IPO13: variants seen among roughly 807,000 people sequenced by gnomAD.
IPO13 encodes the protein importin 13.
In IPO13, 28 loss-of-function variants were observed where a neutral mutation model predicts 115.5. The ratio of observed to expected loss-of-function variants is 0.24; its 90% CI spans 0.18 to 0.33. IPO13 has a LOEUF of 0.33. IPO13 is among the 10% of genes least tolerant of loss of function. The pLI is 1.00. For synonymous variants in IPO13, 414 were observed against 478.9 expected, an observed-to-expected ratio of 0.86 and a Z score of 1.77; for missense variants, 785 against 1,204.6, an observed-to-expected ratio of 0.65 and a Z score of 5.16.
Position 43,967,809 on chromosome 1 carries a change from C to T in IPO13, c.*127C>T, listed in dbSNP as rs1286644030. The T allele has an allele frequency of 6.7e-6, 6 of 897,268 alleles. No individual in the cohort carries two copies. Among genetic ancestry groups the T allele is most frequent in the Non-Finnish European group, 1.1e-5 (6 of 565,468 alleles). 55.6% of individuals were successfully genotyped at this position (897,268 alleles called of 1,614,324 possible). On this transcript the variant is annotated 3_prime_UTR_variant, in exon 20 of 20. Transcript: ENST00000372343. The surrounding 1 kb of genome is among the most constrained non-coding windows in gnomAD (Gnocchi z 6.1). ...CACCACCTAACTGAAAGCCTGGGTCCAGAAGGCCTGGGGGAAGGATGGGAG... is the reference window on the plus strand; with the variant it reads ...CACCACCTAACTGAAAGCCTGGGTCTAGAAGGCCTGGGGGAAGGATGGGAG...
intron 1 of IPO13, 79 bp from the exon 2 acceptor site, chr1:43,949,338 G>A: frequency 6.8e-7 from 1 of 1,461,966 alleles, no homozygotes; most frequent in South Asian, 1.4e-5. Context: ...AGCCTTGCAG[G>A]ACCAAGTCAC....
At position 43,956,329 on chromosome 1, in the gene IPO13, C is replaced by G. The variant is rs780002081; in HGVS notation, c.831C>G (p.Asn277Lys). The G allele has an allele frequency of 1.2e-6, 2 of 1,614,030 alleles. No homozygotes were observed. The highest frequency in any genetic ancestry group is 1.7e-6 in the Non-Finnish European group (2 of 1,180,024). The change falls in exon 3 of 20, where the codon AAC becomes AAG. Residue 277 changes from asparagine (N) to lysine (K), a missense_variant. This residue lies in a region of IPO13 where 325 missense variants were observed against 449.8 expected (regional missense o/e 0.72). Coordinates refer to ENST00000372343, the MANE Select transcript of IPO13 (RefSeq NM_014652.4). This position sits in a 1 kb window ranked among gnomAD's most constrained non-coding sequence, Gnocchi z 4.7. ...CACCTCATGCCTCTAGGTACGTGAA[C>G]ACACTCCTGAAACTCATCCCGCTGG... Reference protein sequence around the residue: ...ISQPDAQRYVNTLLKLIPLVL... With the variant: ...ISQPDAQRYVKTLLKLIPLVL...
chr1:43,961,342 AC>A, intron 14 of IPO13, 80 bp downstream of exon 14: 2 of 1,144,738 alleles, frequency 1.7e-6, no homozygotes, highest in Non-Finnish European at 2.7e-6. Context: ...AAAGCTGCCC[AC>A]TCTGTTCTTC....
intron 2 of IPO13, chr1:43,953,233 G>A (rs1189140062): frequency 3.3e-5 from 5 of 152,208 alleles, no homozygotes; most frequent in African/African-American, 1.2e-4. Flanking sequence ...TCTAATTGCA[G>A]GTCTGGGCTG....
In IPO13 at chr1:43,966,966, G is replaced by A. The variant is rs1174253253; in HGVS notation, c.2560G>A (p.Val854Met). Residue 854 changes from valine (V) to methionine (M), a missense_variant, in exon 18 of 20, where the codon GTG becomes ATG. By Grantham distance (21) the Val-to-Met change is conservative (BLOSUM62 1). Transcript: ENST00000372343. The surrounding 1 kb of genome is among the most constrained non-coding windows in gnomAD (Gnocchi z 4.1). ...GCCTCGGTGTGGGGAAGTAGAGTCT[G>A]TGGGAAAGGTGGTACAGGAAGACGG... ...LLPRCGEVES[V>M]GKVVQEDGRM... 1 of 1,613,784 alleles carries A rather than the reference G, an allele frequency of 6.2e-7. No homozygotes were observed. The highest frequency in any genetic ancestry group is 8.5e-7 in the Non-Finnish European group (1 of 1,180,024).
At position 43,967,093 on chromosome 1, in the gene IPO13, C is replaced by T. The variant is rs2085331203; in HGVS notation, c.2613+74C>T. ...CTGAGGCAGCTGGCCTTCTGGGAGG[C>T]TTGAGCCTTTGGTCCCCTAAGCTCT... On this transcript the variant is annotated intron_variant, in intron 18 of 19. Coordinates refer to ENST00000372343, the MANE Select transcript of IPO13 (RefSeq NM_014652.4). The surrounding 1 kb of genome is among the most constrained non-coding windows in gnomAD (Gnocchi z 6.1). 1 of 1,417,100 alleles carries T rather than the reference C, an allele frequency of 7.1e-7. No individual in the cohort carries two copies. The allele number at this position is 1,417,100 out of a possible 1,614,324, so 87.8% of individuals were successfully genotyped here.
At chr1:43,955,587 A>G (rs943785970) in intron 2 of IPO13, among the ~76,000 whole-genome samples, 1 of 151,914 alleles carries the variant, frequency 6.6e-6, no homozygotes, top group African/African-American at 2.4e-5. Flanking sequence ...CTCTACTTTC[A>G]TCCTCACGTG....
intron 11 of IPO13, among the ~76,000 whole-genome samples, chr1:43,959,216 C>T (rs139963336): frequency 2.6e-5 from 4 of 152,294 alleles, no homozygotes; most frequent in African/African-American, 7.2e-5. Context: ...TTTTATGGGC[C>T]CCTGTTCAAC....
chr1:43,959,776 C>T (rs2085277319), intron 11 of IPO13, among the ~76,000 whole-genome samples: 1 of 152,156 alleles, frequency 6.6e-6, no homozygotes, highest in African/African-American at 2.4e-5. Context: ...TGCCTTTCCT[C>T]ACCTCCCAGG....
chr1:43,959,011 C>T (rs553736954), intron 11 of IPO13, 122 bp downstream of exon 11: 283 of 958,720 alleles, frequency 3.0e-4, no homozygotes, highest in East Asian at 4.9e-4. Flanking sequence ...CTCCCTGCCC[C>T]GTGGGCGTGA....
At chr1:43,951,744 C>T (rs2085210630) in intron 2 of IPO13, among the ~76,000 whole-genome samples, 1 of 152,090 alleles carries the variant, frequency 6.6e-6, no homozygotes, top group Non-Finnish European at 1.5e-5. Context: ...GGCTTTGGGA[C>T]CTTTGGCAGA....
Position 43,966,309 on chromosome 1 carries a change from T to G in IPO13, c.2398-266T>G, listed in dbSNP as rs887707598. The G allele has an allele frequency of 2.8e-5, 16 of 564,402 alleles. No individual in the cohort carries two copies. The highest frequency in any genetic ancestry group is 4.8e-5 in the Non-Finnish European group (15 of 314,160). The allele number at this position is 564,402 out of a possible 1,614,324, so 35.0% of individuals were successfully genotyped here. A position where few individuals can be genotyped will look rare whatever the true frequency, so the allele number is the denominator to read the frequency against. On this transcript the variant is annotated intron_variant, in intron 15 of 19. Coordinates refer to ENST00000372343, the MANE Select transcript of IPO13 (RefSeq NM_014652.4). This position sits in a 1 kb window ranked among gnomAD's most constrained non-coding sequence, Gnocchi z 4.1. ...AGGGAAAGGTGTCTGGAACCCAAACTTTCTGCATTATGATCCCCACCCCCA... is the reference window on the plus strand; with the variant it reads ...AGGGAAAGGTGTCTGGAACCCAAACGTTCTGCATTATGATCCCCACCCCCA...
At chr1:43,947,722 C>A in intron 1 of IPO13, 38 bp downstream of exon 1, 1 of 1,170,708 alleles carries the variant, frequency 8.5e-7, no homozygotes, top group Non-Finnish European at 1.1e-6. Context: ...AGTGACAGAG[C>A]AGAAGTTCTG....
rs199984845 is a variant in IPO13, at chr1:43,957,965, T to G, written c.1541-12T>G. 1 of 1,613,522 alleles carries G rather than the reference T, an allele frequency of 6.2e-7. No individual in the cohort carries two copies. Among genetic ancestry groups the G allele is most frequent in the East Asian group, 2.2e-5 (1 of 44,874 alleles). ...TGCCTCAAAGATCCTCCTGTCTCCC[T>G]CCTTCCTCCAGGAGCTCTGTCTGAA... is the stretch of plus-strand genomic sequence containing the variant. On this transcript the variant is annotated splice_polypyrimidine_tract_variant and intron_variant, in intron 7 of 19. Coordinates refer to ENST00000372343, the MANE Select transcript of IPO13 (RefSeq NM_014652.4).
At chr1:43,951,555 G>A (rs2085208896) in intron 2 of IPO13, among the ~76,000 whole-genome samples, 1 of 152,198 alleles carries the variant, frequency 6.6e-6, no homozygotes, top group African/African-American at 2.4e-5. Flanking sequence ...AGGTATAGGA[G>A]ACCTGGGCCC....
chr1:43,964,593 A>G (rs1215419084), intron 15 of IPO13, among the ~76,000 whole-genome samples: 1 of 152,106 alleles, frequency 6.6e-6, no homozygotes, highest in African/African-American at 2.4e-5. Flanking sequence ...GGGAATGGGA[A>G]AGGGAGGGGG....
Position 43,961,212 on chromosome 1 carries a change from A to G in IPO13, c.2294A>G (p.Glu765Gly). 6.2e-7 allele frequency: 1 copy of G among 1,613,980 alleles called. No homozygotes were observed. Among genetic ancestry groups the G allele is most frequent in the Non-Finnish European group, 8.5e-7 (1 of 1,179,984 alleles). ...GAGCCTGCCCACTTTCCCCCAATTG[A>G]GGCCCTCTTCCTGCTCGTCACCTCC... ...AHEPAHFPPI[E>G]ALFLLVTSVT... The change falls in exon 14 of 20, where the codon GAG becomes GGG. Residue 765 changes from glutamate (E) to glycine (G), a missense_variant. Physicochemically the swap from Glu to Gly is moderately conservative, Grantham distance 98. Around this residue, in one of 3 missense-constraint regions of IPO13, gnomAD observed 285 missense variants for 394.8 expected, o/e 0.72. Transcript: ENST00000372343.
chr1:43,962,124 C>T (rs1401624866), intron 14 of IPO13, among the ~76,000 whole-genome samples: 1 of 152,146 alleles, frequency 6.6e-6, no homozygotes, highest in Non-Finnish European at 1.5e-5. Flanking sequence ...AGTGCCTGGT[C>T]TCATGATCCT....
chr1:43,958,948 C>G lies in IPO13; in HGVS notation c.2028+59C>G. The G allele has an allele frequency of 6.7e-7, 1 of 1,493,172 alleles. No individual in the cohort carries two copies. Among genetic ancestry groups the G allele is most frequent in the Non-Finnish European group, 9.3e-7 (1 of 1,076,390 alleles). The allele number at this position is 1,493,172 out of a possible 1,614,324, so 92.5% of individuals were successfully genotyped here. On this transcript the variant is annotated intron_variant, in intron 11 of 19. Coordinates refer to ENST00000372343, the MANE Select transcript of IPO13 (RefSeq NM_014652.4). This position sits in a 1 kb window ranked among gnomAD's most constrained non-coding sequence, Gnocchi z 6.3. ...TCTTTGCCATCCCCCCAACCCCCAC[C>G]TGTGGGAATGTCATTGTCACTCTTC...
Sources: allele counts gnomAD v4.1 joint callset (sites outside exome capture counted in the v4.1 genomes callset), GRCh38; gene constraint gnomAD v4.1.1; regional missense constraint gnomAD v4.1.1; non-coding constraint Gnocchi (gnomAD v3.1); transcripts MANE v1.5; gene names NCBI Gene and HGNC (gene_info 2026-07-23, HGNC 2026-07-21).